NTM: variants seen among roughly 807,000 people sequenced by gnomAD.
NTM encodes the protein neurotrimin.
Under a neutral mutation model 42.1 loss-of-function variants are expected in NTM, and 13 were observed. The observed-to-expected ratio is 0.31, with a 90% CI of 0.20 to 0.49. The LOEUF (loss-of-function observed/expected upper bound fraction) is 0.49. Among genes scored for constraint, NTM ranks in the 20% least tolerant of loss-of-function variants. The probability of loss-of-function intolerance (pLI) is 0.99; values close to 1 mark genes in which losing one functional copy is unlikely to be tolerated. For missense variants in NTM, 373 were observed against 452.8 expected (o/e 0.82, Z 1.60); for synonymous variants, 187 against 179.2 (o/e 1.04, Z -0.35).
intron 2 of NTM, among the ~76,000 whole-genome samples, chr11:132,086,098 G>T (rs988902992): frequency 1.3e-5 from 2 of 152,040 alleles, no homozygotes; most frequent in African/African-American, 4.8e-5. Context: ...GCCGAGGTGG[G>T]TGGATCACGA....
chr11:131,980,350 C>T (rs1329011977), intron 2 of NTM, among the ~76,000 whole-genome samples: 1 of 152,128 alleles, frequency 6.6e-6, no homozygotes. Context: ...TAGAATTCAA[C>T]CTGGTTGTGA....
chr11:131,526,640 C>T (rs1253902785), intron 1 of NTM, among the ~76,000 whole-genome samples: 1 of 152,038 alleles, frequency 6.6e-6, no homozygotes, highest in East Asian at 1.9e-4. Flanking sequence ...AGAGATGAGG[C>T]CAATTGATTC....
chr11:132,030,444 C>T (rs1308859015), intron 2 of NTM, among the ~76,000 whole-genome samples: 2 of 152,092 alleles, frequency 1.3e-5, no homozygotes, highest in Admixed American at 6.6e-5. Flanking sequence ...GCATGAAAAT[C>T]GTTTTCTGGC....
At chr11:131,926,966 A>T (rs762114987) in intron 2 of NTM, among the ~76,000 whole-genome samples, 1 of 152,214 alleles carries the variant, frequency 6.6e-6, no homozygotes, top group African/African-American at 2.4e-5. Context: ...AAGATATTAC[A>T]TTGTGAAATT....
At chr11:132,235,615 A>G (rs1397483334) in intron 4 of NTM, among the ~76,000 whole-genome samples, 1 of 152,100 alleles carries the variant, frequency 6.6e-6, no homozygotes, top group Non-Finnish European at 1.5e-5. Flanking sequence ...TGGGCTTTTT[A>G]TCAATTAGCT....
chr11:131,996,114 G>T (rs981202209), intron 2 of NTM, among the ~76,000 whole-genome samples: 1 of 152,146 alleles, frequency 6.6e-6, no homozygotes, highest in Non-Finnish European at 1.5e-5. Flanking sequence ...GTTTCAGGGG[G>T]ACTGCCCTAA....
At chr11:131,777,367 T>C (rs989409187) in intron 1 of NTM, among the ~76,000 whole-genome samples, 1 of 151,832 alleles carries the variant, frequency 6.6e-6, no homozygotes, top group African/African-American at 2.4e-5. Flanking sequence ...TTTTATTATA[T>C]AAGGGATATT....
intron 1 of NTM, among the ~76,000 whole-genome samples, chr11:131,663,926 C>T (rs1020116583): frequency 6.6e-6 from 1 of 152,162 alleles, no homozygotes; most frequent in African/African-American, 2.4e-5. Context: ...GACCTTGAAG[C>T]TTGAATTAGA....
At chr11:131,429,595 A>G (rs1168353773) in intron 1 of NTM, among the ~76,000 whole-genome samples, 2 of 152,222 alleles carry the variant, frequency 1.3e-5, no homozygotes. Context: ...GAGTGGGGAA[A>G]CAAATGAAAA....
Position 132,324,499 on chromosome 11 carries a change from A to G in NTM, c.935-5654A>G, listed in dbSNP as rs1186648253. Among the ~76,000 whole-genome samples, 267 of 151,686 alleles carry G rather than the reference A, an allele frequency of 1.8e-3. 1 individual carries two copies. The highest frequency in any genetic ancestry group is 6.2e-3 in the African/African-American group (258 of 41,416). On this transcript the variant is annotated intron_variant, in intron 7 of 8. Transcript: ENST00000683400. ...AGGACCTCTTCAAGGAGAACTACAA[A>G]CCACTGCTCAATGAAATCAAAGAGG...
At chr11:131,824,753 CCTTT>C (rs1357957632) in intron 1 of NTM, among the ~76,000 whole-genome samples, 1 of 152,022 alleles carries the variant, frequency 6.6e-6, no homozygotes, top group Non-Finnish European at 1.5e-5. Context: ...CTCAGGGATG[CCTTT>C]CTTTATTTGG....
chr11:131,890,225 T>C (rs2051104755), intron 1 of NTM, among the ~76,000 whole-genome samples: 2 of 151,268 alleles, frequency 1.3e-5, no homozygotes, highest in African/African-American at 4.9e-5. Context: ...ACCTCACCCC[T>C]GACCCTCAGA....
chr11:131,808,900 A>T (rs1287952163), intron 1 of NTM, among the ~76,000 whole-genome samples: 1 of 152,242 alleles, frequency 6.6e-6, no homozygotes, highest in Non-Finnish European at 1.5e-5. Context: ...GACCCAGGCT[A>T]AAATCCCAGC....
chr11:131,948,799 A>G (rs923989448), intron 2 of NTM, among the ~76,000 whole-genome samples: 2 of 152,194 alleles, frequency 1.3e-5, no homozygotes, highest in Non-Finnish European at 2.9e-5. Context: ...AAATGTCCAT[A>G]TATTTTTAGG....
chr11:132,083,932 T>G (rs1256755236), intron 2 of NTM, among the ~76,000 whole-genome samples: 1 of 151,954 alleles, frequency 6.6e-6, no homozygotes, highest in African/African-American at 2.4e-5. Flanking sequence ...TTTAAATAGT[T>G]CAAAATAAAA....
chr11:131,380,195 TA>T (rs905083267), intron 1 of NTM, among the ~76,000 whole-genome samples: 3 of 150,308 alleles, frequency 2.0e-5, no homozygotes, highest in Admixed American at 1.3e-4. Flanking sequence ...CAAAGTTCAG[TA>T]CCCTTTCCTT....
At chr11:132,188,853 A>G (rs1373418392) in intron 3 of NTM, among the ~76,000 whole-genome samples, 1 of 152,204 alleles carries the variant, frequency 6.6e-6, no homozygotes, top group African/African-American at 2.4e-5. Flanking sequence ...GGCTGTCTCC[A>G]CTGACCCTGG....
At chr11:132,317,640 C>T in intron 7 of NTM, 1 of 1,300,192 alleles carries the variant, frequency 7.7e-7, no homozygotes, top group Non-Finnish European at 1.0e-6. Flanking sequence ...CCTGTGTGTC[C>T]CTCAACCGAT....
Position 131,596,818 on chromosome 11 carries a change from T to C in NTM, c.82+225930T>C, listed in dbSNP as rs150434559. 1.9e-4 allele frequency among the ~76,000 whole-genome samples: 29 copies of C among 152,298 alleles called. No individual in the cohort carries two copies. In the East Asian group the frequency reaches 5.2e-3, roughly 27 times the overall value. On this transcript the variant is annotated intron_variant, in intron 1 of 8. Transcript: ENST00000683400. ...AGGGACAGAACTAATGGAATATATA[T>C]ACGTATATGAGTTTATTAAGTATTA...
Sources: gnomAD v4.1 joint callset for allele counts (sites outside exome capture counted in the v4.1 genomes callset) on GRCh38, gnomAD v4.1.1 for gene constraint, MANE v1.5 for transcripts, NCBI Gene and HGNC (gene_info 2026-07-23, HGNC 2026-07-21) for gene names.